YJU2B: variants seen among roughly 807,000 people sequenced by gnomAD.
YJU2B encodes YJU2 splicing factor homolog B, also known as probable splicing factor YJU2B.
YJU2B carries 18 observed loss-of-function variants against 38.0 expected under a neutral mutation model. The observed-to-expected ratio is 0.47, with a 90% CI of 0.33 to 0.70. YJU2B has a LOEUF of 0.70. YJU2B is among the 30% of genes least tolerant of loss of function. The pLI is 0.02. For synonymous variants in YJU2B, 246 were observed against 225.4 expected (o/e 1.09, Z -0.82); for missense variants, 538 against 556.3 (o/e 0.97, Z 0.33).
upstream of YJU2B, among the ~76,000 whole-genome samples, chr19:13,745,003 AAAAAG>A (rs1973193825): frequency 6.6e-6 from 1 of 152,160 alleles, no homozygotes; most frequent in South Asian, 2.1e-4. Flanking sequence ...AAAAAAAAAA[AAAAAG>A]ATTTTTCTGG....
At chr19:13,754,599 G>C (rs1018197064) in intron 3 of YJU2B, among the ~76,000 whole-genome samples, 1 of 152,122 alleles carries the variant, frequency 6.6e-6, no homozygotes, top group African/African-American at 2.4e-5. Flanking sequence ...AGAGCGCACA[G>C]ATGAAGGGTC....
At chr19:13,755,481 A>T (rs905499969) in intron 3 of YJU2B, among the ~76,000 whole-genome samples, 3 of 149,500 alleles carry the variant, frequency 2.0e-5, no homozygotes, top group African/African-American at 7.4e-5. Flanking sequence ...AAAAAAAATA[A>T]GGTGATGCAC....
chr19:13,748,515 C>T (rs1346092098), intron 1 of YJU2B, among the ~76,000 whole-genome samples: 1 of 152,182 alleles, frequency 6.6e-6, no homozygotes, highest in East Asian at 1.9e-4. Context: ...GATATCTACA[C>T]GCCCACCCGA....
chr19:13,762,176 C>A, intron 8 of YJU2B, 123 bp from the exon 9 acceptor site: 1 of 1,197,572 alleles, frequency 8.4e-7, no homozygotes, highest in Non-Finnish European at 1.2e-6. Flanking sequence ...GTCTGGGCGA[C>A]AGAATGAAAC....
intron 8 of YJU2B, among the ~76,000 whole-genome samples, chr19:13,760,921 A>C (rs1437905658): frequency 6.6e-6 from 1 of 152,052 alleles, no homozygotes; most frequent in African/African-American, 2.4e-5. Flanking sequence ...GGTTCCCACC[A>C]CTGTGCATGG....
intron 2 of YJU2B, among the ~76,000 whole-genome samples, chr19:13,737,368 T>A (rs1972978041): frequency 6.6e-6 from 1 of 152,034 alleles, no homozygotes; most frequent in East Asian, 1.9e-4. Flanking sequence ...GTCTTCAGTT[T>A]GGATGATACT....
rs553185921 is a variant in YJU2B at position 13,757,924 on chromosome 19, G to A, written c.257+78G>A. ...GGGGGCTACAAAGAGCCTGAGTTGC[G>A]GGGGGAACCCATTCCCTGCAGGACT... On this transcript the variant is annotated intron_variant, in intron 6 of 9. Coordinates refer to ENST00000221554, the MANE Select transcript of YJU2B (RefSeq NM_030818.4). 136 of 1,278,188 alleles carry A rather than the reference G, an allele frequency of 1.1e-4. No homozygotes were observed. The African/African-American group carries it at 1.6e-3, about 15-fold the overall frequency. 79.2% of individuals were successfully genotyped at this position (1,278,188 alleles called of 1,614,324 possible).
Position 13,748,839 on chromosome 19 carries a change from G to A in YJU2B, c.-202+885G>A, listed in dbSNP as rs540194885. Among the ~76,000 whole-genome samples the A allele has an allele frequency of 9.9e-5, 15 of 152,262 alleles. No homozygotes were observed. The South Asian group carries it at 2.9e-3, about 29-fold the overall frequency. On this transcript the variant is annotated intron_variant, in intron 1 of 9. Transcript: ENST00000221554. Reference sequence around the variant, plus strand: ...TATTTTGTTGGCAAAAGTATTTTTAGGTTGGAAGGGACCTTGGAATAATCC... The same window carrying A: ...TATTTTGTTGGCAAAAGTATTTTTAAGTTGGAAGGGACCTTGGAATAATCC...
At chr19:13,745,958 A>G (rs1973237386), upstream of YJU2B, among the ~76,000 whole-genome samples, 1 of 152,046 alleles carries the variant, frequency 6.6e-6, no homozygotes, top group Non-Finnish European at 1.5e-5. Context: ...ACAAGGCATA[A>G]AAGTAAATTC....
intron 2 of YJU2B, among the ~76,000 whole-genome samples, chr19:13,732,864 C>T (rs1329623936): frequency 6.6e-6 from 1 of 152,006 alleles, no homozygotes; most frequent in African/African-American, 2.4e-5. Context: ...CTGCCTCTTC[C>T]TCCCAAAGTG....
chr19:13,741,408 C>A (rs942442108), intron 2 of YJU2B, among the ~76,000 whole-genome samples: 2 of 151,862 alleles, frequency 1.3e-5, no homozygotes, highest in Admixed American at 6.6e-5. Flanking sequence ...CCACCTCAGC[C>A]TCCCGAAGTG....
chr19:13,763,190 C>T lies in YJU2B; in HGVS notation c.*122C>T. On this transcript the variant is annotated 3_prime_UTR_variant, in exon 10 of 10. Transcript: ENST00000221554. ...TGGGAGAGCTCAGATGCCGCATCCTCCCCAGACCGCGCCTTCCTGCAACCG... is the reference window on the plus strand; with the variant it reads ...TGGGAGAGCTCAGATGCCGCATCCTTCCCAGACCGCGCCTTCCTGCAACCG... 2.7e-6 allele frequency: 2 copies of T among 739,342 alleles called. No individual in the cohort carries two copies. Among genetic ancestry groups the T allele is most frequent in the Non-Finnish European group, 2.1e-6 (1 of 466,376 alleles). 45.8% of individuals were successfully genotyped at this position (739,342 alleles called of 1,614,324 possible).
At chr19:13,758,645 G>A (rs1435523963) in intron 6 of YJU2B, among the ~76,000 whole-genome samples, 2 of 152,240 alleles carry the variant, frequency 1.3e-5, no homozygotes, top group East Asian at 1.9e-4. Flanking sequence ...ACAAACAGCT[G>A]AATGAACAAA....
chr19:13,756,248 C>T lies in YJU2B; in HGVS notation c.109C>T (p.Arg37Trp), dbSNP rs572583906. Residue 37 changes from arginine to tryptophan, a missense_variant, in exon 4 of 10, where the codon CGG (arginine) becomes TGG (tryptophan). Transcript: ENST00000221554. Reference protein sequence around the residue: ...HNSHPLRERARKLSQGILIIR... With the variant: ...HNSHPLRERAWKLSQGILIIR... ...CAGCCACCCGCTTCGGGAGCGGGCTCGGAAGCTGTCACAGGGCATCCTCAT... is the reference window on the plus strand; with the variant it reads ...CAGCCACCCGCTTCGGGAGCGGGCTTGGAAGCTGTCACAGGGCATCCTCAT... 28 of 1,614,088 alleles carry T rather than the reference C, an allele frequency of 1.7e-5. 1 individual carries two copies. Among genetic ancestry groups the T allele is most frequent in the Admixed American group, 3.3e-5 (2 of 60,014 alleles).
At position 13,762,362 on chromosome 19, in the gene YJU2B, C is replaced by T. The variant is rs749198019; in HGVS notation, c.637C>T (p.Leu213=). The T allele has an allele frequency of 1.9e-6, 3 of 1,613,982 alleles. No individual in the cohort carries two copies. The highest frequency in any genetic ancestry group is 1.7e-5 in the Admixed American group (1 of 60,002). ...CCAGGCCTTGCAGGCCAAGGCGAGCCTGACCATCCCGCTGGTGCCCGAGAC... is the reference window on the plus strand; with the variant it reads ...CCAGGCCTTGCAGGCCAAGGCGAGCTTGACCATCCCGCTGGTGCCCGAGAC... ...RDQALQAKAS[L]TIPLVPETED... Residue 213 remains leucine, a synonymous_variant, in exon 9 of 10, where the codon CTG becomes TTG. Coordinates refer to ENST00000221554, the MANE Select transcript of YJU2B (RefSeq NM_030818.4).
At chr19:13,750,135 G>A (rs1323081212) in intron 1 of YJU2B, among the ~76,000 whole-genome samples, 1 of 152,224 alleles carries the variant, frequency 6.6e-6, no homozygotes, top group Non-Finnish European at 1.5e-5. Context: ...AGTGTGACCT[G>A]CCGGGGGAGA....
At chr19:13,762,242 CAGAAG>C (rs1236145546) in intron 8 of YJU2B, 52 bp from the exon 9 acceptor site, 1 of 1,588,370 alleles carries the variant, frequency 6.3e-7, no homozygotes, top group African/African-American at 1.4e-5. Context: ...CCCTAGTACA[CAGAAG>C]AGACAGGGCT....
chr19:13,732,599 A>C (rs1599481645), intron 2 of YJU2B: 2 of 136,864 alleles, frequency 1.5e-5, no homozygotes, highest in East Asian at 2.4e-4. Flanking sequence ...AAAAAAGTGC[A>C]TACTTTCTTT....
At chr19:13,738,213 G>C (rs545291402) in intron 2 of YJU2B, among the ~76,000 whole-genome samples, 45 of 152,282 alleles carry the variant, frequency 3.0e-4, no homozygotes, top group African/African-American at 1.1e-3. Flanking sequence ...CTTCATCGTG[G>C]CCTTGGGCCC....
Sources: allele counts gnomAD v4.1 joint callset (sites outside exome capture counted in the v4.1 genomes callset), GRCh38; gene constraint gnomAD v4.1.1; transcripts MANE v1.5; gene names NCBI Gene and HGNC (gene_info 2026-07-23, HGNC 2026-07-21).